HIP1R: variants seen among roughly 807,000 people sequenced by gnomAD.
HIP1R encodes huntingtin-interacting protein 1-related protein.
HIP1R carries 135 observed loss-of-function variants against 144.2 expected under a neutral mutation model. The ratio of observed to expected loss-of-function variants is 0.94; its 90% CI spans 0.81 to 1.08. The LOEUF (loss-of-function observed/expected upper bound fraction) is 1.08, where lower values mean the gene tolerates loss of function less well. HIP1R is among the 50% of genes least tolerant of loss of function. HIP1R has a pLI of 0.00. For synonymous variants in HIP1R, 698 were observed against 612.8 expected, an observed-to-expected ratio of 1.14 and a Z score of -2.05; for missense variants, 1,462 against 1,432.8, an observed-to-expected ratio of 1.02 and a Z score of -0.33.
Position 122,854,899 on chromosome 12 carries a change from C to A in HIP1R, c.719-6C>A, listed in dbSNP as rs778307240. 18 of 1,612,580 alleles carry A rather than the reference C, an allele frequency of 1.1e-5. No individual in the cohort carries two copies. Among genetic ancestry groups the A allele is most frequent in the Non-Finnish European group, 1.5e-5 (18 of 1,179,536 alleles). ...GAAGTCCTGTTACACTTGTGCCACC[C>A]TCCAGGTCTCCCTGCGGACACCCTG... On this transcript the variant is annotated splice_polypyrimidine_tract_variant and splice_region_variant and intron_variant, in intron 8 of 31. Coordinates refer to ENST00000253083, the MANE Select transcript of HIP1R (RefSeq NM_003959.3).
intron 1 of HIP1R, among the ~76,000 whole-genome samples, chr12:122,839,045 T>A (rs966009000): frequency 3.9e-5 from 6 of 152,168 alleles, no homozygotes; most frequent in Admixed American, 2.0e-4. Context: ...AACTAATACA[T>A]CCAGTATGTA....
Position 122,855,129 on chromosome 12 carries a change from G to C in HIP1R, c.852+1G>C. On this transcript the variant is annotated splice_donor_variant, in intron 10 of 31. Transcript: ENST00000253083. LOFTEE classifies it high-confidence loss of function. ...CATCCAGATCCCCCGGCTGCCCGAG[G>C]TACCACCCCCAAGAGGGCCCCGAGG... is the stretch of plus-strand genomic sequence containing the variant. 4 of 1,613,518 alleles carry C rather than the reference G, an allele frequency of 2.5e-6. No individual in the cohort carries two copies. The highest frequency in any genetic ancestry group is 3.4e-6 in the Non-Finnish European group (4 of 1,179,998).
chr12:122,835,459 G>C lies in HIP1R; in HGVS notation c.-92G>C, dbSNP rs920433160. ...CGGCGGGCGGGCCCGGGCGCGGCGC[G>C]GTGGCCTCGCGGTGCCTAGGCTGGG... is the stretch of plus-strand genomic sequence containing the variant. On this transcript the variant is annotated 5_prime_UTR_variant, in exon 1 of 32. Transcript: ENST00000253083. 9 of 1,162,180 alleles carry C rather than the reference G, an allele frequency of 7.7e-6. No homozygotes were observed. Among genetic ancestry groups the C allele is most frequent in the Non-Finnish European group, 3.2e-6 (3 of 942,726 alleles). The allele number at this position is 1,162,180 out of a possible 1,614,324, so 72.0% of individuals were successfully genotyped here. A position where few individuals can be genotyped will look rare whatever the true frequency, so the allele number is the denominator to read the frequency against.
chr12:122,860,223 C>T lies in HIP1R; in HGVS notation c.2559+13C>T, dbSNP rs574520660. ...GGAGAGCGGCAGGGTGAGGGGCCGG[C>T]GGCAGCAGGGCACAGTCCACAAGGA... On this transcript the variant is annotated intron_variant, in intron 26 of 31. Transcript: ENST00000253083. 1.6e-5 allele frequency: 24 copies of T among 1,547,562 alleles called. No individual in the cohort carries two copies. Among genetic ancestry groups the T allele is most frequent in the South Asian group, 9.5e-5 (8 of 83,960 alleles).
chr12:122,859,694 G>A (rs772128412), intron 23 of HIP1R, 78 bp from the exon 24 acceptor site: 289 of 1,524,374 alleles, frequency 1.9e-4, no homozygotes, highest in Middle Eastern at 5.1e-4. Context: ...GAGCTGAGAG[G>A]GCAGGAGGCA....
intron 5 of HIP1R, chr12:122,850,182 G>A (rs867590556): frequency 3.0e-6 from 2 of 665,244 alleles, no homozygotes; most frequent in South Asian, 1.5e-5. Context: ...GGCTTCCCCA[G>A]GCGTTTCTGT....
chr12:122,859,985 G>A lies in HIP1R; in HGVS notation c.2466-62G>A, dbSNP rs376930409. Reference sequence around the variant, plus strand: ...GCTGAGCCCTGATGTGGCCAGGCCCGCCATGGCGTCGTGTGGGCTGCTCTG... The same window carrying A: ...GCTGAGCCCTGATGTGGCCAGGCCCACCATGGCGTCGTGTGGGCTGCTCTG... On this transcript the variant is annotated intron_variant, in intron 24 of 31. Transcript: ENST00000253083. 889 of 1,513,012 alleles carry A rather than the reference G, an allele frequency of 5.9e-4. 3 individuals are homozygous for A. Among genetic ancestry groups the A allele is most frequent in the Admixed American group, 2.3e-3 (108 of 47,574 alleles). 93.7% of individuals were successfully genotyped at this position (1,513,012 alleles called of 1,614,324 possible).
chr12:122,849,030 C>T (rs1044848542), intron 4 of HIP1R, among the ~76,000 whole-genome samples, 178 bp downstream of exon 4: 5 of 152,240 alleles, frequency 3.3e-5, no homozygotes, highest in African/African-American at 1.2e-4. Flanking sequence ...TGGCCCAGGG[C>T]GCTCCACACG....
chr12:122,837,412 G>A (rs549415274), intron 1 of HIP1R, among the ~76,000 whole-genome samples: 3 of 151,706 alleles, frequency 2.0e-5, no homozygotes, highest in East Asian at 1.9e-4. Flanking sequence ...TCCGCCTCCC[G>A]GGTTCAAGTG....
chr12:122,859,177 G>A lies in HIP1R; in HGVS notation c.2275G>A (p.Gly759Ser), dbSNP rs781331033. The A allele has an allele frequency of 2.5e-6, 4 of 1,574,536 alleles. No homozygotes were observed. The South Asian group carries it at 4.6e-5, about 18-fold the overall frequency. ...QASLVRTPLQ[G>S]ILQLGQELKP... is the part of the protein sequence containing the mutation. Reference sequence around the variant, plus strand: ...CAGCCTGGTGCGGACACCCCTGCAGGGCATCCTTCAGCTGGGCCAGGTGAG... The same window carrying A: ...CAGCCTGGTGCGGACACCCCTGCAGAGCATCCTTCAGCTGGGCCAGGTGAG... Residue 759 changes from glycine to serine, a missense_variant, in exon 22 of 32, where the codon GGC (glycine) becomes AGC (serine). By Grantham distance (56) the Gly-to-Ser change is moderately conservative. Transcript: ENST00000253083.
Position 122,854,892 on chromosome 12 carries a change from T to C in HIP1R, c.719-13T>C. ...GTGCAGAGAAGTCCTGTTACACTTG[T>C]GCCACCCTCCAGGTCTCCCTGCGGA... On this transcript the variant is annotated splice_polypyrimidine_tract_variant and intron_variant, in intron 8 of 31. Coordinates refer to ENST00000253083, the MANE Select transcript of HIP1R (RefSeq NM_003959.3). 1 of 1,612,138 alleles carries C rather than the reference T, an allele frequency of 6.2e-7. No individual in the cohort carries two copies. The highest frequency in any genetic ancestry group is 8.5e-7 in the Non-Finnish European group (1 of 1,179,432).
intron 8 of HIP1R, 57 bp from the exon 9 acceptor site, chr12:122,854,848 A>G: frequency 6.5e-7 from 1 of 1,548,028 alleles, no homozygotes; most frequent in East Asian, 2.2e-5. Context: ...AAGGCAGGGC[A>G]GGTGAGCCCC....
At chr12:122,847,798 C>A (rs2033252514) in intron 1 of HIP1R, among the ~76,000 whole-genome samples, 1 of 152,158 alleles carries the variant, frequency 6.6e-6, no homozygotes, top group South Asian at 2.1e-4. Flanking sequence ...CAGCTTTGGT[C>A]CTTGTCCCCT....
At position 122,856,253 on chromosome 12, in the gene HIP1R, C is replaced by T. The variant is rs2033572990; in HGVS notation, c.1313-3C>T. ...GCATCACTGCCCCTCCTCTCGCCCC[C>T]AGGGAAGGCCAGTGCCACGGAGGCG... On this transcript the variant is annotated splice_polypyrimidine_tract_variant and splice_region_variant and intron_variant, in intron 14 of 31. Transcript: ENST00000253083. The T allele has an allele frequency of 1.2e-6, 2 of 1,613,596 alleles. No homozygotes were observed. The highest frequency in any genetic ancestry group is 8.5e-7 in the Non-Finnish European group (1 of 1,179,976).
rs141271005 is a variant in HIP1R, at chr12:122,861,493, G to C, written c.3138G>C (p.Val1046=). The C allele has an allele frequency of 5.5e-5, 88 of 1,612,184 alleles. No individual in the cohort carries two copies. In the African/African-American group the frequency reaches 1.2e-3, roughly 22 times the overall value. ...KKPPLAQKPS[V]APRQDHQLDK... ...CACCCCTGGCCCAGAAGCCCAGCGT[G>C]GCCCCCAGACAGGACCACCAGGTGC... The change falls in exon 31 of 32, where the codon GTG becomes GTC. Residue 1046 remains valine (V), a synonymous_variant. Coordinates refer to ENST00000253083, the MANE Select transcript of HIP1R (RefSeq NM_003959.3).
At chr12:122,856,855 G>GA (rs1202792258) in intron 17 of HIP1R, 129 bp downstream of exon 17, 1 of 1,050,200 alleles carries the variant, frequency 9.5e-7, no homozygotes, top group East Asian at 2.6e-5. Context: ...CCCTGACCCA[G>GA]ACCCAGGGGC....
rs2033325023 is a variant in HIP1R, at chr12:122,849,943, C to T, written c.426C>T (p.Ser142=). The T allele has an allele frequency of 6.2e-7, 1 of 1,613,178 alleles. No homozygotes were observed. Among genetic ancestry groups the T allele is most frequent in the East Asian group, 2.2e-5 (1 of 44,894 alleles). Residue 142 remains serine, a synonymous_variant, in exon 5 of 32, where the codon TCC becomes TCT. Transcript: ENST00000253083. ...VYTKLLLTKI[S]FHLKHPQFPA... is the part of the protein sequence containing the mutation. ...CCAAGCTGCTGCTGACCAAGATCTC[C>T]TTCCACCTCAAGGTGGTTTCCTCGG...
intron 6 of HIP1R, 115 bp from the exon 7 acceptor site, chr12:122,851,121 C>G: frequency 1.0e-6 from 1 of 985,592 alleles, no homozygotes; most frequent in Non-Finnish European, 1.5e-6. Context: ...GGCACGCTGT[C>G]TCACCAGAGC....
chr12:122,855,458 C>G (rs988390330), intron 11 of HIP1R, 53 bp downstream of exon 11: 6 of 1,547,718 alleles, frequency 3.9e-6, no homozygotes, highest in South Asian at 2.4e-5. Context: ...CAGCATGAGG[C>G]CAACGGGAGT....
Sources: gnomAD v4.1 joint callset for allele counts (sites outside exome capture counted in the v4.1 genomes callset) on GRCh38, gnomAD v4.1.1 for gene constraint, MANE v1.5 for transcripts, NCBI Gene and HGNC (gene_info 2026-07-23, HGNC 2026-07-21) for gene names.